PROM1: variants seen among roughly 807,000 people sequenced by gnomAD.
PROM1 encodes the protein prominin 1.
A neutral mutation model predicts 116.9 loss-of-function variants in PROM1; 105 were observed. The ratio of observed to expected loss-of-function variants is 0.90; its 90% confidence interval spans 0.77 to 1.06. The LOEUF is 1.06. Ranked by LOEUF, PROM1 falls within the 50% of genes least tolerant of loss-of-function variation. PROM1 has a pLI of 0.00. For synonymous variants in PROM1, 393 were observed against 387.0 expected, an observed-to-expected ratio of 1.02 and a Z score of -0.18; for missense variants, 1,122 against 1,045.2, an observed-to-expected ratio of 1.07 and a Z score of -1.01.
intron 1 of PROM1, among the ~76,000 whole-genome samples, chr4:16,081,027 T>A (rs887828275): frequency 2.0e-5 from 3 of 151,124 alleles, no homozygotes; most frequent in African/African-American, 7.3e-5. Context: ...AGAAGTCCTT[T>A]TATATATATA....
rs1195454648 is a variant in PROM1 at position 16,004,837 on chromosome 4, C to CT, written c.1454+1700dup. On this transcript the variant is annotated intron_variant, in intron 13 of 27. Transcript: ENST00000447510. ...TTTCTTTCTTTCTTTCTTTTTCTTC[C>CT]TTCCTTCCTTCCTTCCTTCCTTCCT... Among the ~76,000 whole-genome samples the CT allele has an allele frequency of 3.5e-3, 152 of 43,640 alleles. 1 individual carries two copies. The highest frequency in any genetic ancestry group is 0.01 in the African/African-American group (148 of 14,098). The allele number at this position is 43,640 out of a possible 152,430, so 28.6% of individuals were successfully genotyped here.
At chr4:16,066,701 A>C (rs1479242646) in intron 2 of PROM1, among the ~76,000 whole-genome samples, 1 of 152,206 alleles carries the variant, frequency 6.6e-6, no homozygotes, top group African/African-American at 2.4e-5. Context: ...TTTCTGCTCA[A>C]GCCCAGTGGA....
chr4:15,980,028 T>G (rs79675869), intron 24 of PROM1, 124 bp from the exon 25 acceptor site: 1 of 653,038 alleles, frequency 1.5e-6, no homozygotes, highest in Non-Finnish European at 2.6e-6. Context: ...GAAAGACCCA[T>G]GTTGAAAGAT....
In PROM1 at chr4:15,991,266, G is replaced by C. The variant is rs1383090074; in HGVS notation, c.1939C>G (p.Leu647Val). 3 of 1,605,966 alleles carry C rather than the reference G, an allele frequency of 1.9e-6. No individual in the cohort carries two copies. Among genetic ancestry groups the C allele is most frequent in the Non-Finnish European group, 2.5e-6 (3 of 1,177,258 alleles). ...TCTAGATCATATGCAAATGATAAAA[G>C]ATTCACTCCTGCGGGGGATTTACCA... ...QTGKSPAGVN[L>V]LSFAYDLEAK... The change falls in exon 18 of 28, where the codon CTT (leucine) becomes GTT (valine). Residue 647 changes from leucine (L) to valine (V), a missense_variant. Leu to Val is a conservative substitution (Grantham distance 32). Coordinates refer to ENST00000447510, the MANE Select transcript of PROM1 (RefSeq NM_006017.3).
intron 2 of PROM1, among the ~76,000 whole-genome samples, chr4:16,073,719 C>G (rs1743326984): frequency 6.6e-6 from 1 of 152,140 alleles, no homozygotes; most frequent in Admixed American, 6.6e-5. Context: ...GGCTAATACC[C>G]TCAGATTACA....
intron 17 of PROM1, among the ~76,000 whole-genome samples, chr4:15,991,934 CAAAAAAAAAAAAA>C (rs56221717): frequency 1.1e-4 from 6 of 55,322 alleles, no homozygotes; most frequent in African/African-American, 3.1e-4. Context: ...GACTCCGTCT[CAAAAAAAAAAAAA>C]AAAAAAAAAA....
Position 16,034,614 on chromosome 4 carries a change from G to A in PROM1, c.304-1105C>T, listed in dbSNP as rs114812417. On this transcript the variant is annotated intron_variant, in intron 4 of 27. Transcript: ENST00000447510. ...GGATAAACGAAAATTAATGCAACTA[G>A]ATGATGAAACTTGATGTCATTCCAA... Among the ~76,000 whole-genome samples the A allele has an allele frequency of 4.3e-3, 662 of 152,240 alleles. 1 individual carries two copies. The highest frequency in any genetic ancestry group is 0.015 in the African/African-American group (627 of 41,530).
intron 2 of PROM1, among the ~76,000 whole-genome samples, chr4:16,054,058 C>A (rs1386510751): frequency 6.6e-6 from 1 of 152,214 alleles, no homozygotes; most frequent in East Asian, 1.9e-4. Context: ...TGTGCCACTG[C>A]ACTCCAGCCT....
intron 4 of PROM1, among the ~76,000 whole-genome samples, chr4:16,034,107 G>C (rs1233005214): frequency 2.0e-5 from 3 of 152,052 alleles, no homozygotes; most frequent in Admixed American, 6.6e-5. Context: ...TTTTTAAATG[G>C]ATCAATAAAT....
chr4:15,986,304 A>C (rs577694937), intron 20 of PROM1, among the ~76,000 whole-genome samples: 1 of 152,264 alleles, frequency 6.6e-6, no homozygotes, highest in South Asian at 2.1e-4. Flanking sequence ...ACGAGGCAGG[A>C]AGGAAGGTAC....
intron 2 of PROM1, chr4:16,055,297 G>C: frequency 4.6e-6 from 2 of 438,936 alleles, no homozygotes; most frequent in Non-Finnish European, 9.2e-6. Context: ...CTACTCAGGA[G>C]GCTGAGGCAG....
Position 15,970,628 on chromosome 4 carries a change from G to T in PROM1, c.*24+415C>A, listed in dbSNP as rs766307561. On this transcript the variant is annotated intron_variant, in intron 27 of 27. Transcript: ENST00000447510. The stretch of plus-strand genomic sequence containing the variant: ...TATATACAGAGAGGGTCACTGTATC[G>T]TATGTATACATGCAGTCGTCCCTCT... Among the ~76,000 whole-genome samples the T allele has an allele frequency of 2.0e-5, 3 of 151,564 alleles. No individual in the cohort carries two copies. The East Asian group carries it at 5.8e-4, about 29-fold the overall frequency.
At chr4:16,071,937 A>C (rs1742910868) in intron 2 of PROM1, among the ~76,000 whole-genome samples, 1 of 152,258 alleles carries the variant, frequency 6.6e-6, no homozygotes, top group Non-Finnish European at 1.5e-5. Flanking sequence ...TTCAGGTTTG[A>C]ATGAATGAAC....
chr4:16,079,034 G>A (rs1310497306), intron 1 of PROM1, among the ~76,000 whole-genome samples: 1 of 151,950 alleles, frequency 6.6e-6, no homozygotes, highest in Non-Finnish European at 1.5e-5. Flanking sequence ...TTTCCAAAGG[G>A]CTCCCTTCAA....
intron 23 of PROM1, among the ~76,000 whole-genome samples, 179 bp from the exon 24 acceptor site, chr4:15,980,716 C>A (rs1381611839): frequency 6.6e-6 from 1 of 150,914 alleles, no homozygotes; most frequent in Non-Finnish European, 1.5e-5. Context: ...AAGTGCTACG[C>A]ACATTGTTAG....
At chr4:15,973,456 A>G (rs532701510) in intron 26 of PROM1, among the ~76,000 whole-genome samples, 2 of 152,316 alleles carry the variant, frequency 1.3e-5, no homozygotes, top group East Asian at 3.9e-4. Flanking sequence ...TCAAACAACA[A>G]CAACAGCAAA....
At chr4:16,033,624 C>G (rs1733301424) in intron 4 of PROM1, 115 bp from the exon 5 acceptor site, 2 of 894,336 alleles carry the variant, frequency 2.2e-6, no homozygotes, top group South Asian at 2.2e-5. Flanking sequence ...GGGTCTCGCT[C>G]TGTTGCCCAG....
intron 12 of PROM1, among the ~76,000 whole-genome samples, chr4:16,007,103 G>A (rs534701682): frequency 6.6e-6 from 1 of 152,132 alleles, no homozygotes; most frequent in Non-Finnish European, 1.5e-5. Context: ...AAGGCATATG[G>A]CTAGATCATG....
At chr4:15,987,531 C>T (rs953882348) in intron 20 of PROM1, 132 bp downstream of exon 20, 9 of 932,596 alleles carry the variant, frequency 9.7e-6, no homozygotes, top group South Asian at 8.9e-5. Flanking sequence ...GCCCAATTTG[C>T]TATTTAAAAT....
Sources: gnomAD v4.1 joint callset for allele counts (sites outside exome capture counted in the v4.1 genomes callset) on GRCh38, gnomAD v4.1.1 for gene constraint, MANE v1.5 for transcripts, NCBI Gene and HGNC (gene_info 2026-07-23, HGNC 2026-07-21) for gene names.